TECTA: variants seen among roughly 807,000 people sequenced by gnomAD.
The protein encoded by TECTA is alpha-tectorin.
TECTA carries 128 observed loss-of-function variants against 216.8 expected under a neutral mutation model. The ratio of observed to expected loss-of-function variants is 0.59; its 90% CI spans 0.51 to 0.68. The LOEUF is 0.68. Among genes scored for constraint, TECTA ranks in the 30% least tolerant of loss-of-function variants. The pLI is 0.00. For missense variants in TECTA, 2,551 were observed against 2,786.2 expected, an observed-to-expected ratio of 0.92 and a Z score of 1.90; for synonymous variants, 1,089 against 1,117.1, an observed-to-expected ratio of 0.97 and a Z score of 0.50.
chr11:121,124,845 C>T (rs1049195682), intron 7 of TECTA, among the ~76,000 whole-genome samples: 1 of 152,196 alleles, frequency 6.6e-6, no homozygotes, highest in Admixed American at 6.5e-5. Flanking sequence ...GTGGACCCAG[C>T]ACACACTCGA....
chr11:121,160,761 G>A (rs1946990919), intron 15 of TECTA, among the ~76,000 whole-genome samples: 1 of 152,218 alleles, frequency 6.6e-6, no homozygotes. Context: ...GTGGAATTAA[G>A]AGGTGACTGA....
chr11:121,170,895 T>C (rs958336275), intron 20 of TECTA, among the ~76,000 whole-genome samples: 4 of 152,192 alleles, frequency 2.6e-5, no homozygotes, highest in African/African-American at 9.6e-5. Context: ...CTTCATTTTG[T>C]TGATTGATAT....
chr11:121,188,076 G>A, intron 21 of TECTA, 82 bp downstream of exon 21: 1 of 1,491,136 alleles, frequency 6.7e-7, no homozygotes, highest in Non-Finnish European at 9.3e-7. Flanking sequence ...TGAATGCCAG[G>A]TGACCGGACT....
At chr11:121,162,033 G>A (rs1713462130) in intron 15 of TECTA, 42 bp from the exon 16 acceptor site, 4 of 1,612,088 alleles carry the variant, frequency 2.5e-6, no homozygotes, top group Non-Finnish European at 3.4e-6. Context: ...CCTTCCATTG[G>A]AGATCTCAGA....
At chr11:121,118,046 T>C (rs1432959667) in intron 6 of TECTA, among the ~76,000 whole-genome samples, 2 of 152,196 alleles carry the variant, frequency 1.3e-5, no homozygotes, top group African/African-American at 4.8e-5. Flanking sequence ...GAGATAATAA[T>C]ACCAAGAGCT....
At chr11:121,143,136 G>A (rs1462923045) in intron 11 of TECTA, among the ~76,000 whole-genome samples, 1 of 152,144 alleles carries the variant, frequency 6.6e-6, no homozygotes, top group Non-Finnish European at 1.5e-5. Flanking sequence ...TGATGTTTTT[G>A]TTTTACAAAA....
intron 7 of TECTA, among the ~76,000 whole-genome samples, chr11:121,125,051 C>T (rs147926861): frequency 3.9e-5 from 6 of 152,370 alleles, no homozygotes; most frequent in South Asian, 2.1e-4. Context: ...CAGAGGAGTC[C>T]GTAGTGGCAC....
intron 18 of TECTA, 76 bp downstream of exon 18, chr11:121,166,856 A>C: frequency 1.9e-6 from 3 of 1,555,152 alleles, no homozygotes; most frequent in Non-Finnish European, 2.6e-6. Context: ...ATTGTCCTGA[A>C]AACCAACTTC....
chr11:121,120,607 T>A (rs1010125386), intron 7 of TECTA, among the ~76,000 whole-genome samples: 2 of 152,204 alleles, frequency 1.3e-5, no homozygotes, highest in African/African-American at 2.4e-5. Context: ...CAGCACTGTC[T>A]CCATATGCTG....
chr11:121,133,392 A>G (rs1946694064), intron 10 of TECTA, among the ~76,000 whole-genome samples: 1 of 152,186 alleles, frequency 6.6e-6, no homozygotes, highest in Admixed American at 6.5e-5. Flanking sequence ...TGATATAGTA[A>G]TTTAACATCC....
intron 16 of TECTA, among the ~76,000 whole-genome samples, 182 bp from the exon 17 acceptor site, chr11:121,165,091 C>T (rs560792002): frequency 1.3e-5 from 2 of 152,350 alleles, no homozygotes; most frequent in South Asian, 2.1e-4. Context: ...AGGCCCACAG[C>T]AAGCACCTAT....
In TECTA at chr11:121,166,660, G is replaced by A. The variant is rs758503569; in HGVS notation, c.5466G>A (p.Gln1822=). ...CCATATCTAAGTGCAAGCTCTTCCA[G>A]CTCGGTTTTGAGAGGGAGGGCGTGA... ...EVSISKCKLF[Q]LGFEREGVRI... The change falls in exon 18 of 24, where the codon CAG becomes CAA. Residue 1822 remains glutamine (Q), a synonymous_variant. Coordinates refer to ENST00000392793, the MANE Select transcript of TECTA (RefSeq NM_005422.4). 3.1e-6 allele frequency: 5 copies of A among 1,614,066 alleles called. No homozygotes were observed. Among genetic ancestry groups the A allele is most frequent in the South Asian group, 2.2e-5 (2 of 91,090 alleles).
chr11:121,190,825 A>G lies in TECTA; in HGVS notation c.*19A>G. On this transcript the variant is annotated 3_prime_UTR_variant, in exon 24 of 24. Transcript: ENST00000392793. ...CTCATAATTAACTCAAGGTTGCTAT[A>G]TAAAGTACTGTAATTTACTTACTTC... The G allele has an allele frequency of 6.4e-7, 1 of 1,570,848 alleles. No homozygotes were observed. Among genetic ancestry groups the G allele is most frequent in the Non-Finnish European group, 8.7e-7 (1 of 1,143,514 alleles).
chr11:121,108,626 C>T (rs1946413556), intron 3 of TECTA, among the ~76,000 whole-genome samples: 1 of 150,454 alleles, frequency 6.6e-6, no homozygotes, highest in Non-Finnish European at 1.5e-5. Context: ...ACACACTCCC[C>T]ACCCCAGAAT....
intron 8 of TECTA, among the ~76,000 whole-genome samples, chr11:121,126,583 T>A (rs909944902): frequency 6.6e-6 from 1 of 152,252 alleles, no homozygotes; most frequent in African/African-American, 2.4e-5. Flanking sequence ...TCCTTCCTAG[T>A]CCTTGGTTTT....
chr11:121,143,413 C>T (rs1429458130), intron 11 of TECTA, among the ~76,000 whole-genome samples: 1 of 152,234 alleles, frequency 6.6e-6, no homozygotes, highest in Non-Finnish European at 1.5e-5. Flanking sequence ...TCTTGACTAG[C>T]CAACCCCTCC....
At chr11:121,181,490 A>G (rs1402238041) in intron 20 of TECTA, among the ~76,000 whole-genome samples, 2 of 128,836 alleles carry the variant, frequency 1.6e-5, no homozygotes, top group African/African-American at 5.6e-5. Flanking sequence ...ATTTTTTGAA[A>G]TGGAGTTTTG....
chr11:121,124,397 T>C (rs1286037633), intron 7 of TECTA, among the ~76,000 whole-genome samples: 2 of 152,144 alleles, frequency 1.3e-5, no homozygotes, highest in African/African-American at 4.8e-5. Context: ...TTCCTCACCC[T>C]CCTGCCTCTG....
chr11:121,186,602 A>G (rs1403973752), intron 20 of TECTA, among the ~76,000 whole-genome samples: 1 of 152,238 alleles, frequency 6.6e-6, no homozygotes, highest in Non-Finnish European at 1.5e-5. Flanking sequence ...CAAATGAATA[A>G]CAGTGTTAAG....
Sources: gnomAD v4.1 joint callset for allele counts (sites outside exome capture counted in the v4.1 genomes callset) on GRCh38, gnomAD v4.1.1 for gene constraint, MANE v1.5 for transcripts, NCBI Gene and HGNC (gene_info 2026-07-23, HGNC 2026-07-21) for gene names.